The following NPEPL1 variants were observed in gnomAD, a reference collection of about 807,000 sequenced individuals.
The protein encoded by NPEPL1 is probable aminopeptidase NPEPL1.
A neutral mutation model predicts 52.4 loss-of-function variants in NPEPL1; 45 were observed. The ratio of observed to expected loss-of-function variants is 0.86; its 90% CI spans 0.68 to 1.10. The LOEUF (loss-of-function observed/expected upper bound fraction) is 1.10. Ranked by LOEUF, NPEPL1 falls within the 50% of genes least tolerant of loss-of-function variation. The pLI is 0.00. For missense variants in NPEPL1, 696 were observed against 710.9 expected (o/e 0.98, Z 0.24); for synonymous variants, 360 against 314.7 (o/e 1.14, Z -1.52).
At chr20:58,712,101 CTGTG>C (rs1303260270) in intron 7 of NPEPL1, among the ~76,000 whole-genome samples, 10 of 98,490 alleles carry the variant, frequency 1.0e-4, no homozygotes, top group South Asian at 7.7e-4. Context: ...TCCTGCCCCT[CTGTG>C]TGTGTACGTG....
At chr20:58,711,958 AG>A (rs375384925) in intron 7 of NPEPL1, among the ~76,000 whole-genome samples, 71 of 36,152 alleles carry the variant, frequency 2.0e-3, no homozygotes, top group East Asian at 0.016. Flanking sequence ...CTTCGGGGTC[AG>A]GGGGCACCCT....
chr20:58,691,818 A>G (rs1268640031), upstream of NPEPL1: 2 of 1,546,282 alleles, frequency 1.3e-6, no homozygotes, highest in African/African-American at 2.8e-5. Flanking sequence ...CCCTTGAGCA[A>G]TCAGGATGTT....
intron 10 of NPEPL1, 115 bp downstream of exon 10, chr20:58,714,208 C>T: frequency 8.3e-7 from 1 of 1,209,776 alleles, no homozygotes. Flanking sequence ...GAAGCAGCCA[C>T]AGTGCAGACG....
upstream of NPEPL1, chr20:58,691,364 CTTTTTTTTTTTTTTTTTT>C (rs59929508): frequency 7.2e-3 from 1,274 of 176,988 alleles, 2 homozygotes; most frequent in Non-Finnish European, 9.2e-3. Context: ...CATTCAACAG[CTTTTTTTTTTTTTTTTTT>C]TTTTTTTTTT....
intron 7 of NPEPL1, among the ~76,000 whole-genome samples, chr20:58,710,414 T>G (rs1314462102): frequency 2.0e-5 from 3 of 152,120 alleles, no homozygotes; most frequent in African/African-American, 7.2e-5. Context: ...AGAAAGAGGA[T>G]GTACCATTCA....
At chr20:58,693,079 C>A in intron 1 of NPEPL1, 29 bp downstream of exon 1, 1 of 1,003,962 alleles carries the variant, frequency 1.0e-6, no homozygotes, top group Non-Finnish European at 1.2e-6. Context: ...GCCATGCGAC[C>A]CGCGCCGCGG....
At position 58,715,790 on chromosome 20, in the gene NPEPL1, C is replaced by T. The variant is rs8978; in HGVS notation, c.*464C>T. On this transcript the variant is annotated 3_prime_UTR_variant, in exon 12 of 12. Coordinates refer to ENST00000356091, the MANE Select transcript of NPEPL1 (RefSeq NM_024663.4). ...TTATAGGGCAAGAGAAGTCACACTC[C>T]GGCCTCTCAGAATTCACTTGAGGTT... 0.63 allele frequency: 96,284 copies of T among 153,540 alleles called. 31,042 individuals are homozygous for T. Among genetic ancestry groups the T allele is most frequent in the African/African-American group, 0.78 (32,228 of 41,566 alleles). 9.5% of individuals were successfully genotyped at this position (153,540 alleles called of 1,614,324 possible). A position where few individuals can be genotyped will look rare whatever the true frequency, so the allele number is the denominator to read the frequency against.
At position 58,714,442 on chromosome 20, in the gene NPEPL1, G is replaced by A. The variant is rs116093728; in HGVS notation, c.1303-118G>A. ...CCCAGCTTCTGCTGCCTCCCCACAC[G>A]CTCCCTCCCAGCCACCCCGAGCTCC... On this transcript the variant is annotated intron_variant, in intron 10 of 11. Transcript: ENST00000356091. 7.9e-3 allele frequency: 5,706 copies of A among 718,838 alleles called. 298 individuals are homozygous for A. In the African/African-American group the frequency reaches 0.095, roughly 12 times the overall value. 44.5% of individuals were successfully genotyped at this position (718,838 alleles called of 1,614,324 possible). A position where few individuals can be genotyped will look rare whatever the true frequency, so the allele number is the denominator to read the frequency against.
At chr20:58,712,949 C>T (rs775246381) in intron 8 of NPEPL1, 40 of 382,096 alleles carry the variant, frequency 1.0e-4, no homozygotes, top group Non-Finnish European at 1.9e-4. Context: ...TGAGATTGAC[C>T]CTGGAAAGTC....
At chr20:58,707,999 G>C (rs1437045328) in intron 7 of NPEPL1, among the ~76,000 whole-genome samples, 1 of 152,164 alleles carries the variant, frequency 6.6e-6, no homozygotes, top group Non-Finnish European at 1.5e-5. Flanking sequence ...GCGGAGGATC[G>C]ATTGAGCCCG....
Position 58,713,367 on chromosome 20 carries a change from G to A in NPEPL1, c.1002-53G>A, listed in dbSNP as rs1280880045. The A allele has an allele frequency of 1.3e-6, 2 of 1,529,606 alleles. No individual in the cohort carries two copies. The highest frequency in any genetic ancestry group is 2.7e-5 in the African/African-American group (2 of 73,150). 94.8% of individuals were successfully genotyped at this position (1,529,606 alleles called of 1,614,324 possible). ...TCTCCCCAGTTTCAAAGGGGCTCAT[G>A]CCAGTGTCCCAGGAAATCCCGTCCC... On this transcript the variant is annotated intron_variant, in intron 8 of 11. Coordinates refer to ENST00000356091, the MANE Select transcript of NPEPL1 (RefSeq NM_024663.4). The surrounding 1 kb of genome is among the most constrained non-coding windows in gnomAD (Gnocchi z 4.6).
rs112951414 is a variant in NPEPL1 at position 58,701,983 on chromosome 20, A to G, written c.822+825A>G. On this transcript the variant is annotated intron_variant, in intron 6 of 11. Transcript: ENST00000356091. ...CACCATCTCCATCCATTCATCCTAC[A>G]CACCGTGTGAGCAGCCTCTGTGCTC... Among the ~76,000 whole-genome samples the G allele has an allele frequency of 1.1e-4, 17 of 152,148 alleles. 1 individual carries two copies. The highest frequency in any genetic ancestry group is 3.9e-4 in the African/African-American group (16 of 41,522).
intron 6 of NPEPL1, among the ~76,000 whole-genome samples, chr20:58,706,719 C>T (rs553029986): frequency 1.3e-5 from 2 of 152,242 alleles, no homozygotes; most frequent in South Asian, 4.1e-4. Context: ...GACCCCCAGG[C>T]GGCGTGGCAG....
At position 58,692,879 on chromosome 20, in the gene NPEPL1, C is replaced by T. The variant is rs1354847521; in HGVS notation, c.-22C>T. The T allele has an allele frequency of 9.7e-7, 1 of 1,027,524 alleles. No homozygotes were observed. Among genetic ancestry groups the T allele is most frequent in the South Asian group, 3.8e-5 (1 of 26,346 alleles). The allele number at this position is 1,027,524 out of a possible 1,614,324, so 63.7% of individuals were successfully genotyped here. ...CGGGCCGGGCCGGGCCGGGCAGGGC[C>T]GGGGCGTGGGCCGGCAGGAAGATGG... is the stretch of plus-strand genomic sequence containing the variant. On this transcript the variant is annotated 5_prime_UTR_variant, in exon 1 of 12. Coordinates refer to ENST00000356091, the MANE Select transcript of NPEPL1 (RefSeq NM_024663.4). The surrounding 1 kb of genome is among the most constrained non-coding windows in gnomAD (Gnocchi z 5.7).
intron 3 of NPEPL1, 60 bp from the exon 4 acceptor site, chr20:58,698,624 G>A: frequency 3.7e-6 from 5 of 1,368,122 alleles, no homozygotes; most frequent in Middle Eastern, 1.8e-4. Flanking sequence ...CCTGGGGGAT[G>A]GACAAGGGGA....
intron 6 of NPEPL1, among the ~76,000 whole-genome samples, chr20:58,704,737 G>A (rs1601118576): frequency 6.6e-6 from 1 of 152,300 alleles, no homozygotes; most frequent in East Asian, 1.9e-4. Context: ...TTTTATAGTT[G>A]AAACAGGGAA....
chr20:58,707,342 C>T, intron 7 of NPEPL1, 142 bp downstream of exon 7: 1 of 812,912 alleles, frequency 1.2e-6, no homozygotes, highest in Non-Finnish European at 1.9e-6. Context: ...CCCTCTGCCC[C>T]CAGGCTCTTC....
At chr20:58,700,443 A>T (rs1311449237) in intron 5 of NPEPL1, among the ~76,000 whole-genome samples, 1 of 152,194 alleles carries the variant, frequency 6.6e-6, no homozygotes, top group Non-Finnish European at 1.5e-5. Context: ...TTACAGGATG[A>T]GTTGGAGTTT....
At chr20:58,694,684 G>A (rs1306741502) in intron 3 of NPEPL1, 92 bp downstream of exon 3, 3 of 1,316,206 alleles carry the variant, frequency 2.3e-6, no homozygotes, top group South Asian at 3.1e-5. Context: ...CTTGTTGCGG[G>A]GGCAGGAGGG....
Sources: allele counts gnomAD v4.1 joint callset (sites outside exome capture counted in the v4.1 genomes callset), GRCh38; gene constraint gnomAD v4.1.1; non-coding constraint Gnocchi (gnomAD v3.1); transcripts MANE v1.5; gene names NCBI Gene and HGNC (gene_info 2026-07-23, HGNC 2026-07-21).